The following CALN1 variants were observed in gnomAD, a reference collection of about 807,000 sequenced individuals.
CALN1 encodes the protein calneuron 1, also known as calcium-binding protein 8.
CALN1 carries 17 observed loss-of-function variants against 30.6 expected under a neutral mutation model. That is an observed-to-expected ratio of 0.56 (90% CI 0.38 to 0.83). The LOEUF (loss-of-function observed/expected upper bound fraction) is 0.83, where lower values mean the gene tolerates loss of function less well. Among genes scored for constraint, CALN1 ranks in the 40% least tolerant of loss-of-function variants. The pLI is 0.00. For missense variants in CALN1, 291 were observed against 354.9 expected (o/e 0.82, Z 1.45); for synonymous variants, 156 against 131.4 (o/e 1.19, Z -1.28).
In CALN1 at chr7:71,800,501, C is replaced by T. The variant is rs145929076; in HGVS notation, c.658+9835G>A. Among the ~76,000 whole-genome samples, 58 of 152,196 alleles carry T rather than the reference C, an allele frequency of 3.8e-4. No homozygotes were observed. In the Middle Eastern group the frequency reaches 0.01, roughly 27 times the overall value. The stretch of plus-strand genomic sequence containing the variant: ...TTCGCTTTACTTGCCTCTCCCGTGC[C>T]GGTTGTCAGAATGTCTAGAAAAATC... On this transcript the variant is annotated intron_variant, in intron 6 of 6. Transcript: ENST00000395275.
intron 3 of CALN1, among the ~76,000 whole-genome samples, chr7:72,163,871 C>G (rs1343915516): frequency 1.3e-5 from 2 of 151,998 alleles, no homozygotes; most frequent in Non-Finnish European, 2.9e-5. Flanking sequence ...GAATATATAA[C>G]AAGTGAAGAT....
intron 5 of CALN1, among the ~76,000 whole-genome samples, chr7:71,965,595 C>A (rs960600863): frequency 6.6e-6 from 1 of 150,630 alleles, no homozygotes; most frequent in Admixed American, 6.6e-5. Flanking sequence ...AACAAACAAA[C>A]ATTAAATGCA....
At position 72,337,378 on chromosome 7, in the gene CALN1, G is replaced by A. The variant is rs376450189; in HGVS notation, c.120-58568C>T. On this transcript the variant is annotated intron_variant, in intron 2 of 6. Coordinates refer to ENST00000395275, the MANE Select transcript of CALN1 (RefSeq NM_031468.4). The stretch of plus-strand genomic sequence containing the variant: ...ATGGCTCCCTCGGTTTCCAAGCAGC[G>A]CAACCTGAGGAACGCCTCGGCGCGC... 4.7e-4 allele frequency among the ~76,000 whole-genome samples: 71 copies of A among 151,856 alleles called. No homozygotes were observed. The South Asian group carries it at 0.012, about 25-fold the overall frequency.
intron 5 of CALN1, among the ~76,000 whole-genome samples, chr7:71,980,476 C>T (rs1342131415): frequency 6.6e-6 from 1 of 152,160 alleles, no homozygotes; most frequent in Non-Finnish European, 1.5e-5. Context: ...AGGTGTGAGC[C>T]ACCACGCCCA....
At chr7:72,203,092 A>T (rs558047141) in intron 3 of CALN1, among the ~76,000 whole-genome samples, 7 of 152,174 alleles carry the variant, frequency 4.6e-5, no homozygotes, top group Non-Finnish European at 8.8e-5. Context: ...AGGAACAGAA[A>T]ACCAAATACC....
At chr7:72,248,306 G>C (rs1009262294) in intron 3 of CALN1, among the ~76,000 whole-genome samples, 2 of 152,088 alleles carry the variant, frequency 1.3e-5, no homozygotes, top group African/African-American at 2.4e-5. Flanking sequence ...GTAGCAATGG[G>C]ATTTCACCAT....
At chr7:72,013,170 A>G (rs778459543) in intron 5 of CALN1, among the ~76,000 whole-genome samples, 9 of 151,870 alleles carry the variant, frequency 5.9e-5, no homozygotes, top group Admixed American at 1.3e-4. Context: ...GAAATGCTTT[A>G]AATTCCAATC....
intron 5 of CALN1, among the ~76,000 whole-genome samples, chr7:71,856,186 T>G (rs965977000): frequency 6.6e-6 from 1 of 151,686 alleles, no homozygotes; most frequent in Non-Finnish European, 1.5e-5. Context: ...CCTGGGGTGA[T>G]ACATATGTAA....
intron 3 of CALN1, among the ~76,000 whole-genome samples, chr7:72,203,234 A>G (rs1225423198): frequency 1.3e-5 from 2 of 152,128 alleles, no homozygotes; most frequent in Non-Finnish European, 2.9e-5. Flanking sequence ...TACCTAATGC[A>G]TGCGGGGCTT....
chr7:71,922,512 A>C (rs1794999805), intron 5 of CALN1, among the ~76,000 whole-genome samples: 1 of 144,498 alleles, frequency 6.9e-6, no homozygotes, highest in Non-Finnish European at 1.5e-5. Flanking sequence ...TAAATACACA[A>C]TATATAACAC....
At chr7:71,939,527 C>T (rs144046995) in intron 5 of CALN1, among the ~76,000 whole-genome samples, 4 of 150,096 alleles carry the variant, frequency 2.7e-5, no homozygotes, top group Admixed American at 6.7e-5. Context: ...AAGCCAAGAT[C>T]GTGCCATTGC....
chr7:71,887,922 G>A (rs984756238), intron 5 of CALN1, among the ~76,000 whole-genome samples: 13 of 152,130 alleles, frequency 8.5e-5, no homozygotes, highest in African/African-American at 2.4e-4. Context: ...TGGGTGTTGC[G>A]GGCTTGGAGG....
intron 5 of CALN1, among the ~76,000 whole-genome samples, chr7:72,010,933 T>C (rs1800042519): frequency 6.6e-6 from 1 of 151,374 alleles, no homozygotes; most frequent in African/African-American, 2.4e-5. Context: ...GGTGGGCGGA[T>C]CATGGGGTCA....
At chr7:71,934,740 T>G (rs1795740874) in intron 5 of CALN1, among the ~76,000 whole-genome samples, 1 of 152,104 alleles carries the variant, frequency 6.6e-6, no homozygotes. Context: ...AATAAAGACA[T>G]ACCCAAGGCT....
At chr7:71,914,403 A>G (rs1794585388) in intron 5 of CALN1, among the ~76,000 whole-genome samples, 1 of 152,222 alleles carries the variant, frequency 6.6e-6, no homozygotes, top group South Asian at 2.1e-4. Flanking sequence ...TCATGGCTGC[A>G]TAGTATTCCA....
intron 3 of CALN1, among the ~76,000 whole-genome samples, chr7:72,232,506 G>A (rs1320614153): frequency 6.6e-6 from 1 of 152,128 alleles, no homozygotes; most frequent in East Asian, 1.9e-4. Context: ...TGTTGCCCAG[G>A]CTGTAGTGCA....
At chr7:72,023,826 C>T in intron 4 of CALN1, 57 bp from the exon 5 acceptor site, 1 of 1,268,178 alleles carries the variant, frequency 7.9e-7, no homozygotes, top group Non-Finnish European at 1.1e-6. Context: ...ACCTACCGTA[C>T]CTGATGCAAT....
intron 2 of CALN1, among the ~76,000 whole-genome samples, chr7:72,279,120 G>A (rs1797561062): frequency 6.6e-6 from 1 of 152,048 alleles, no homozygotes; most frequent in Non-Finnish European, 1.5e-5. Context: ...CTTTGCAAAC[G>A]GCAATATCCT....
At chr7:72,235,358 C>T (rs912759199) in intron 3 of CALN1, among the ~76,000 whole-genome samples, 69 of 152,140 alleles carry the variant, frequency 4.5e-4, no homozygotes, top group African/African-American at 1.6e-3. Flanking sequence ...GTGTCCACGC[C>T]TTATAGAATT....
Sources: gnomAD v4.1 joint callset for allele counts (sites outside exome capture counted in the v4.1 genomes callset) on GRCh38, gnomAD v4.1.1 for gene constraint, MANE v1.5 for transcripts, NCBI Gene and HGNC (gene_info 2026-07-23, HGNC 2026-07-21) for gene names.